GLT1D1: variants seen among roughly 807,000 people sequenced by gnomAD.
GLT1D1 encodes the protein glycosyltransferase 1 domain containing 1.
GLT1D1 carries 21 observed loss-of-function variants against 28.7 expected under a neutral mutation model. That is an observed-to-expected ratio of 0.73 (90% CI 0.52 to 1.05). The LOEUF (loss-of-function observed/expected upper bound fraction) is 1.05, where lower values mean the gene tolerates loss of function less well. Among genes scored for constraint, GLT1D1 ranks in the 50% least tolerant of loss-of-function variants. The probability of loss-of-function intolerance (pLI) is 0.00; values close to 1 mark genes in which losing one functional copy is unlikely to be tolerated. For synonymous variants in GLT1D1, 147 were observed against 124.8 expected (o/e 1.18, Z -1.19); for missense variants, 343 against 330.6 (o/e 1.04, Z -0.29).
intron 1 of GLT1D1, among the ~76,000 whole-genome samples, chr12:128,864,921 G>A (rs1245115446): frequency 6.6e-6 from 1 of 152,178 alleles, no homozygotes; most frequent in African/African-American, 2.4e-5. Flanking sequence ...CTCTGTAGAG[G>A]AGGCAAGGCC....
intron 4 of GLT1D1, among the ~76,000 whole-genome samples, chr12:128,916,057 T>C (rs1349746899): frequency 6.6e-6 from 1 of 151,068 alleles, no homozygotes; most frequent in Non-Finnish European, 1.5e-5. Context: ...CCTAGTCTAA[T>C]TTTTCTTATC....
At chr12:128,907,483 A>C (rs1045661736) in intron 4 of GLT1D1, among the ~76,000 whole-genome samples, 1 of 151,550 alleles carries the variant, frequency 6.6e-6, no homozygotes, top group Non-Finnish European at 1.5e-5. Flanking sequence ...TTTTTTGTAT[A>C]TTTAGTAGAG....
chr12:128,919,296 A>T (rs914333060), intron 4 of GLT1D1, among the ~76,000 whole-genome samples: 6 of 152,176 alleles, frequency 3.9e-5, no homozygotes, highest in Non-Finnish European at 4.4e-5. Flanking sequence ...ACTATTAGTG[A>T]TCAGATACCA....
At chr12:128,901,412 GC>G (rs1566116199) in intron 4 of GLT1D1, among the ~76,000 whole-genome samples, 1 of 150,610 alleles carries the variant, frequency 6.6e-6, no homozygotes, top group Non-Finnish European at 1.5e-5. Flanking sequence ...GAGCCACCGC[GC>G]CTGACCTTTT....
intron 4 of GLT1D1, among the ~76,000 whole-genome samples, chr12:128,928,016 A>AAC (rs1555270103): frequency 2.0e-5 from 3 of 149,754 alleles, no homozygotes; most frequent in African/African-American, 4.9e-5. Context: ...AAAAAAAAAA[A>AAC]AAAAAAAAAC....
intron 5 of GLT1D1, among the ~76,000 whole-genome samples, chr12:128,947,101 T>G (rs958686066): frequency 6.6e-5 from 10 of 152,202 alleles, no homozygotes; most frequent in African/African-American, 2.4e-4. Flanking sequence ...AGCAGGTGTC[T>G]TTATGGAGCA....
rs148254359 is a variant in GLT1D1 at position 128,963,183 on chromosome 12, G to A, written c.639+5540G>A. Among the ~76,000 whole-genome samples the A allele has an allele frequency of 1.1e-4, 16 of 152,310 alleles. 1 individual carries two copies. The highest frequency in any genetic ancestry group is 9.1e-4 in the Admixed American group (14 of 15,308). ...GTTACCTGAGGAGGACACATCAAAGGTGACGTCTGGTCCCAGAGTCCAGGC... is the reference window on the plus strand; with the variant it reads ...GTTACCTGAGGAGGACACATCAAAGATGACGTCTGGTCCCAGAGTCCAGGC... On this transcript the variant is annotated intron_variant, in intron 7 of 7. Transcript: ENST00000281703.
intron 6 of GLT1D1, among the ~76,000 whole-genome samples, chr12:128,954,959 C>G (rs536843795): frequency 3.3e-4 from 51 of 152,248 alleles, no homozygotes; most frequent in African/African-American, 1.1e-3. Flanking sequence ...GTCCCCTCTT[C>G]CTGGGACCCT....
At chr12:128,858,210 T>C (rs138533591) in intron 1 of GLT1D1, among the ~76,000 whole-genome samples, 1 of 152,260 alleles carries the variant, frequency 6.6e-6, no homozygotes, top group East Asian at 1.9e-4. Context: ...TCCCATCAGA[T>C]GGGTTTTATT....
chr12:128,956,171 A>AAAAAAAAGAAAAAAAAAAAAGAG lies in GLT1D1; in HGVS notation c.541-1373_541-1372insAAAAAAGAAAAAAAAAAAAGAGA, dbSNP rs374597920. ...GAGACTCCATCTCAAAAAAAAAAAAAAGAGAAAGAGAGAAAGAAAGAAAGA... is the reference window on the plus strand; with the variant it reads ...GAGACTCCATCTCAAAAAAAAAAAAAAAAAAAAGAAAAAAAAAAAAGAGAGAGAAAGAGAGAAAGAAAGAAAGA... On this transcript the variant is annotated intron_variant, in intron 6 of 7. Coordinates refer to ENST00000281703, the MANE Select transcript of GLT1D1 (RefSeq NM_144669.3). 3.1e-5 allele frequency among the ~76,000 whole-genome samples: 2 copies of AAAAAAAAGAAAAAAAAAAAAGAG among 63,942 alleles called. 1 individual carries two copies. The highest frequency in any genetic ancestry group is 7.1e-5 in the Non-Finnish European group (2 of 28,334). 41.9% of individuals were successfully genotyped at this position (63,942 alleles called of 152,430 possible).
chr12:128,974,879 G>A (rs916799466), intron 7 of GLT1D1, among the ~76,000 whole-genome samples: 5 of 152,240 alleles, frequency 3.3e-5, no homozygotes, highest in Non-Finnish European at 5.9e-5. Flanking sequence ...TCCACTGGAG[G>A]CCCTTGGCCA....
intron 1 of GLT1D1, chr12:128,864,284 C>A (rs899324642): frequency 2.2e-6 from 1 of 455,444 alleles, no homozygotes; most frequent in African/African-American, 2.0e-5. Flanking sequence ...CTTAGTCCTG[C>A]ACTAGGGGTG....
intron 4 of GLT1D1, among the ~76,000 whole-genome samples, chr12:128,941,642 G>A (rs1226963991): frequency 7.2e-6 from 1 of 138,792 alleles, no homozygotes; most frequent in Non-Finnish European, 1.5e-5. Flanking sequence ...CGGTCATCTC[G>A]GCTCACTGCA....
At position 128,855,249 on chromosome 12, in the gene GLT1D1, A is replaced by G. The variant is rs1453232040; in HGVS notation, c.68+1600A>G. ...AAAAAAAAAAAAAAAAAAAACAACA[A>G]CAACAACAAAAAAAACAAAAAACCT... On this transcript the variant is annotated intron_variant, in intron 1 of 7. Transcript: ENST00000281703. Among the ~76,000 whole-genome samples, 14 of 147,918 alleles carry G rather than the reference A, an allele frequency of 9.5e-5. No homozygotes were observed. The East Asian group carries it at 2.8e-3, about 29-fold the overall frequency.
chr12:128,975,289 C>T (rs968343570), intron 7 of GLT1D1, among the ~76,000 whole-genome samples: 8 of 152,120 alleles, frequency 5.3e-5, no homozygotes, highest in African/African-American at 1.9e-4. Context: ...AGTCAAGCAT[C>T]GTGAGTAGGG....
At chr12:128,881,180 T>C (rs183595387) in intron 2 of GLT1D1, among the ~76,000 whole-genome samples, 23,510 of 133,974 alleles carry the variant, frequency 0.18, 2,096 homozygotes, top group South Asian at 0.28. Flanking sequence ...GCCGAGATCC[T>C]GCCACTGCAC....
At chr12:128,968,731 G>T (rs1455704305) in intron 7 of GLT1D1, among the ~76,000 whole-genome samples, 1 of 152,154 alleles carries the variant, frequency 6.6e-6, no homozygotes, top group East Asian at 1.9e-4. Flanking sequence ...CTGCCTGGGG[G>T]TTGTGATTGG....
Position 128,914,999 on chromosome 12 carries a change from G to A in GLT1D1, c.375+15712G>A. 6.5e-7 allele frequency: 1 copy of A among 1,532,688 alleles called. No homozygotes were observed. The highest frequency in any genetic ancestry group is 2.0e-5 in the Admixed American group (1 of 50,964). 94.9% of individuals were successfully genotyped at this position (1,532,688 alleles called of 1,614,324 possible). A position where few individuals can be genotyped will look rare whatever the true frequency, so the allele number is the denominator to read the frequency against. On this transcript the variant is annotated intron_variant, in intron 4 of 7. Transcript: ENST00000281703. The stretch of plus-strand genomic sequence containing the variant: ...TTTCTTCAACGCTCTGGTGAGACAT[G>A]AGATCTTCTTAGAGGATTTTGATGA...
chr12:128,908,792 A>G (rs1593116848), intron 4 of GLT1D1, among the ~76,000 whole-genome samples: 1 of 152,012 alleles, frequency 6.6e-6, no homozygotes, highest in African/African-American at 2.4e-5. Flanking sequence ...TACTAAAAAT[A>G]CAAAAAATTA....
Sources: allele counts gnomAD v4.1 joint callset (sites outside exome capture counted in the v4.1 genomes callset), GRCh38; gene constraint gnomAD v4.1.1; transcripts MANE v1.5; gene names NCBI Gene and HGNC (gene_info 2026-07-23, HGNC 2026-07-21).